OR2A12: variants seen among roughly 807,000 people sequenced by gnomAD.
The protein encoded by OR2A12 is olfactory receptor 2A12.
For synonymous variants in OR2A12, 153 were observed against 149.3 expected, an observed-to-expected ratio of 1.02 and a Z score of -0.18; for missense variants, 380 against 372.5, an observed-to-expected ratio of 1.02 and a Z score of -0.17.
Position 144,095,953 on chromosome 7 carries a change from G to C in OR2A12, c.846G>C (p.Pro282=), listed in dbSNP as rs760840733. 2 of 1,613,994 alleles carry C rather than the reference G, an allele frequency of 1.2e-6. No homozygotes were observed. The highest frequency in any genetic ancestry group is 2.2e-5 in the South Asian group (2 of 91,064). The part of the protein sequence containing the change: ...ILSLFYSLFN[P]ILNPLIYSLR... ...CCCTGTTTTACAGCCTTTTCAACCC[G>C]ATCCTGAACCCCCTCATCTACAGCC... Residue 282 remains proline (P), a synonymous_variant, in exon 2 of 2, where the codon CCG becomes CCC. Transcript: ENST00000641592.
Position 144,096,191 on chromosome 7 carries a change from A to G in OR2A12, c.*151A>G, listed in dbSNP as rs894101821. ...AGAAACTGGCCTGGCGTGGTGGCTG[A>G]AGCCTGTAATCCCAACACTTTGGGA... On this transcript the variant is annotated 3_prime_UTR_variant, in exon 2 of 2. Coordinates refer to ENST00000641592, the MANE Select transcript of OR2A12 (RefSeq NM_001004135.2). The G allele has an allele frequency of 8.0e-6, 5 of 625,406 alleles. No homozygotes were observed. In the African/African-American group the frequency reaches 9.2e-5, roughly 12 times the overall value. 38.7% of individuals were successfully genotyped at this position (625,406 alleles called of 1,614,324 possible).
intron 1 of OR2A12, among the ~76,000 whole-genome samples, chr7:144,093,597 A>G (rs2051240976): frequency 6.6e-6 from 1 of 151,150 alleles, no homozygotes; most frequent in Non-Finnish European, 1.5e-5. Context: ...CATTTACATT[A>G]GGTATATCTC....
intron 1 of OR2A12, among the ~76,000 whole-genome samples, chr7:144,089,991 T>A (rs1302955085): frequency 6.6e-6 from 1 of 152,192 alleles, no homozygotes; most frequent in African/African-American, 2.4e-5. Flanking sequence ...CTATAGGTCC[T>A]CAGTGCCCTT....
In OR2A12 at chr7:144,095,221, G is replaced by C. The variant is rs1202707282; in HGVS notation, c.114G>C (p.Leu38=). The C allele has an allele frequency of 6.2e-6, 10 of 1,613,916 alleles. No individual in the cohort carries two copies. The highest frequency in any genetic ancestry group is 8.5e-6 in the Non-Finnish European group (10 of 1,179,886). Reference sequence around the variant, plus strand: ...TCTTGCTATTCTACAGCTTAACCCTGATGGGAAATGGGATTATCCTGGGGC... The same window carrying C: ...TCTTGCTATTCTACAGCTTAACCCTCATGGGAAATGGGATTATCCTGGGGC... ...GFFLLFYSLT[L]MGNGIILGLI... The change falls in exon 2 of 2, where the codon CTG becomes CTC. Residue 38 remains leucine, a synonymous_variant. Transcript: ENST00000641592.
intron 1 of OR2A12, among the ~76,000 whole-genome samples, chr7:144,090,729 C>T (rs539955965): frequency 3.9e-5 from 6 of 152,068 alleles, no homozygotes; most frequent in Non-Finnish European, 7.4e-5. Flanking sequence ...TTTCCCTCTA[C>T]GTGTCCATGT....
At chr7:144,092,621 G>A (rs1365730032) in intron 1 of OR2A12, among the ~76,000 whole-genome samples, 1 of 152,010 alleles carries the variant, frequency 6.6e-6, no homozygotes, top group Non-Finnish European at 1.5e-5. Flanking sequence ...CTGCATTCCC[G>A]ATTTGGCTCT....
At chr7:144,092,436 A>G (rs762891073) in intron 1 of OR2A12, among the ~76,000 whole-genome samples, 1 of 152,166 alleles carries the variant, frequency 6.6e-6, no homozygotes, top group Non-Finnish European at 1.5e-5. Context: ...CAGTATGGCC[A>G]TTTGAACAAT....
At chr7:144,091,524 GT>G (rs1251441522) in intron 1 of OR2A12, among the ~76,000 whole-genome samples, 1 of 152,200 alleles carries the variant, frequency 6.6e-6, no homozygotes, top group Non-Finnish European at 1.5e-5. Context: ...GCCAGCATCT[GT>G]TATGTTTTGA....
At chr7:144,092,494 T>C (rs780608003) in intron 1 of OR2A12, among the ~76,000 whole-genome samples, 2 of 152,196 alleles carry the variant, frequency 1.3e-5, no homozygotes, top group Non-Finnish European at 2.9e-5. Flanking sequence ...CATTTATTTG[T>C]GTCATCTCTG....
Position 144,095,869 on chromosome 7 carries a change from C to A in OR2A12, c.762C>A (p.Ala254=). Reference sequence around the variant, plus strand: ...TGGTGGGGCTTTTCTTTGGCAGCGCCATTGTCATGTACATGGCCCCCAAGT... The same window carrying A: ...TGGTGGGGCTTTTCTTTGGCAGCGCAATTGTCATGTACATGGCCCCCAAGT... ...LCVVGLFFGS[A]IVMYMAPKSS... is the part of the protein sequence containing the mutation. Residue 254 remains alanine (A), a synonymous_variant, in exon 2 of 2, where the codon GCC becomes GCA. Coordinates refer to ENST00000641592, the MANE Select transcript of OR2A12 (RefSeq NM_001004135.2). 6.2e-7 allele frequency: 1 copy of A among 1,614,110 alleles called. No individual in the cohort carries two copies. The highest frequency in any genetic ancestry group is 8.5e-7 in the Non-Finnish European group (1 of 1,180,018).
At position 144,087,104 on chromosome 7, in the gene OR2A12, C is replaced by G. The variant is rs546089962; in HGVS notation, c.-52+561C>G. ...AGTCATATATATATTCCTGCTGCCTCCTTTACAAATGAAGGAGGTGAAGCT... is the reference window on the plus strand; with the variant it reads ...AGTCATATATATATTCCTGCTGCCTGCTTTACAAATGAAGGAGGTGAAGCT... On this transcript the variant is annotated intron_variant, in intron 1 of 1. Coordinates refer to ENST00000641592, the MANE Select transcript of OR2A12 (RefSeq NM_001004135.2). 2.0e-5 allele frequency among the ~76,000 whole-genome samples: 3 copies of G among 152,246 alleles called. No individual in the cohort carries two copies. In the East Asian group the frequency reaches 5.8e-4, roughly 29 times the overall value.
chr7:144,093,034 C>T (rs888082149), intron 1 of OR2A12, among the ~76,000 whole-genome samples: 13 of 147,564 alleles, frequency 8.8e-5, no homozygotes, highest in African/African-American at 3.1e-4. Flanking sequence ...CGGTCATTTA[C>T]ATTTATTTAG....
At position 144,098,448 on chromosome 7, in the gene OR2A12, G is replaced by T. The variant is rs1586903667; in HGVS notation, c.*2408G>T. On this transcript the variant is annotated 3_prime_UTR_variant, in exon 2 of 2. Transcript: ENST00000641592. ...AAACCAAGAAGCAACCAAGTTAGGG[G>T]GAGAGAGATGCATTTTTATGTTCTA... 6.6e-6 allele frequency: 1 copy of T among 152,028 alleles called. No homozygotes were observed. Among genetic ancestry groups the T allele is most frequent in the Non-Finnish European group, 1.5e-5 (1 of 68,012 alleles). 9.4% of individuals were successfully genotyped at this position (152,028 alleles called of 1,614,324 possible).
Position 144,095,154 on chromosome 7 carries a change from T to G in OR2A12, c.47T>G (p.Phe16Cys). 1 of 1,613,536 alleles carries G rather than the reference T, an allele frequency of 6.2e-7. No individual in the cohort carries two copies. The highest frequency in any genetic ancestry group is 8.5e-7 in the Non-Finnish European group (1 of 1,179,706). The part of the protein sequence containing the change: ...TWITEVILLG[F>C]QVDPALELFL... ...ATCACAGAAGTCATCCTGTTGGGAT[T>G]CCAGGTGGACCCAGCTCTGGAGTTG... The change falls in exon 2 of 2, where the codon TTC becomes TGC. Residue 16 changes from phenylalanine (F) to cysteine (C), a missense_variant. Coordinates refer to ENST00000641592, the MANE Select transcript of OR2A12 (RefSeq NM_001004135.2).
At chr7:144,090,437 A>G (rs1157807309) in intron 1 of OR2A12, among the ~76,000 whole-genome samples, 6 of 151,878 alleles carry the variant, frequency 4.0e-5, no homozygotes, top group African/African-American at 1.4e-4. Flanking sequence ...ATCTAAGAAA[A>G]ACAAAGTTAT....
rs1037912578 is a variant in OR2A12 at position 144,095,958 on chromosome 7, T to C, written c.851T>C (p.Leu284Pro). 6.2e-7 allele frequency: 1 copy of C among 1,614,078 alleles called. No individual in the cohort carries two copies. The highest frequency in any genetic ancestry group is 8.5e-7 in the Non-Finnish European group (1 of 1,180,000). ...TTTTACAGCCTTTTCAACCCGATCC[T>C]GAACCCCCTCATCTACAGCCTTAGG... ...SLFYSLFNPI[L>P]NPLIYSLRNA... The change falls in exon 2 of 2, where the codon CTG becomes CCG. Residue 284 changes from leucine (L) to proline (P), a missense_variant. Transcript: ENST00000641592.
At chr7:144,093,627 C>T (rs13233188) in intron 1 of OR2A12, among the ~76,000 whole-genome samples, 1 of 123,514 alleles carries the variant, frequency 8.1e-6, no homozygotes, top group Admixed American at 8.8e-5. Context: ...TCCCTCCCCC[C>T]ACCCCCCACC....
chr7:144,089,870 T>C (rs1221398013), intron 1 of OR2A12, among the ~76,000 whole-genome samples: 1 of 152,208 alleles, frequency 6.6e-6, no homozygotes, highest in African/African-American at 2.4e-5. Flanking sequence ...GTTTATAAAA[T>C]TTACTGAGAT....
intron 1 of OR2A12, among the ~76,000 whole-genome samples, chr7:144,087,810 GC>G (rs2051197758): frequency 6.6e-6 from 1 of 152,146 alleles, no homozygotes; most frequent in African/African-American, 2.4e-5. Flanking sequence ...CATACCCCTA[GC>G]TTGTATTCTG....
Sources: gnomAD v4.1 joint callset for allele counts (sites outside exome capture counted in the v4.1 genomes callset) on GRCh38, gnomAD v4.1.1 for gene constraint, MANE v1.5 for transcripts, NCBI Gene and HGNC (gene_info 2026-07-23, HGNC 2026-07-21) for gene names.